PTPRS: variants seen among roughly 807,000 people sequenced by gnomAD.
PTPRS encodes the protein receptor-type tyrosine-protein phosphatase S.
A neutral mutation model predicts 215.3 loss-of-function variants in PTPRS; 63 were observed. That is an observed-to-expected ratio of 0.29 (90% CI 0.24 to 0.36). The LOEUF (loss-of-function observed/expected upper bound fraction) is 0.36, where lower values mean the gene tolerates loss of function less well. Ranked by LOEUF, PTPRS falls within the 10% of genes least tolerant of loss-of-function variation. The pLI is 1.00. For synonymous variants in PTPRS, 1,404 were observed against 1,191.4 expected, an observed-to-expected ratio of 1.18 and a Z score of -3.68; for missense variants, 2,258 against 2,825.8, an observed-to-expected ratio of 0.80 and a Z score of 4.56.
At position 5,219,429 on chromosome 19, in the gene PTPRS, C is replaced by T. The variant is rs1026071586; in HGVS notation, c.3804G>A (p.Leu1268=). 1.2e-6 allele frequency: 2 copies of T among 1,610,284 alleles called. No homozygotes were observed. The highest frequency in any genetic ancestry group is 1.7e-6 in the Non-Finnish European group (2 of 1,178,242). ...AASPFSDPFQ[L]DNPDPQPIVD... ...CGATGGGCTGGGGGTCCGGGTTATC[C>T]AGCTGGAAGGGGTCTGAGAAGGGAC... Residue 1268 remains leucine, a synonymous_variant, in exon 23 of 38, where the codon CTG becomes CTA. Coordinates refer to ENST00000262963, the MANE Select transcript of PTPRS (RefSeq NM_002850.4).
chr19:5,268,628 G>A (rs575967824), intron 4 of PTPRS, among the ~76,000 whole-genome samples: 6 of 152,202 alleles, frequency 3.9e-5, no homozygotes, highest in South Asian at 4.1e-4. Context: ...GTTCCAGCTC[G>A]GGGGTCACTG....
intron 9 of PTPRS, 64 bp downstream of exon 9, chr19:5,256,044 G>T: frequency 7.0e-7 from 1 of 1,424,562 alleles, no homozygotes; most frequent in Non-Finnish European, 9.7e-7. Flanking sequence ...TTGTGTGTGT[G>T]CGTGTCATTT....
chr19:5,288,424 G>C (rs867107629), intron 1 of PTPRS, among the ~76,000 whole-genome samples: 50 of 152,208 alleles, frequency 3.3e-4, no homozygotes, highest in African/African-American at 1.1e-3. Flanking sequence ...TGGGGACTGG[G>C]AAGATGAAGG....
At chr19:5,208,551 G>A (rs737005) in intron 35 of PTPRS, among the ~76,000 whole-genome samples, 160 bp from the exon 36 acceptor site, 2,550 of 151,988 alleles carry the variant, frequency 0.017, 68 homozygotes, top group African/African-American at 0.058. Flanking sequence ...GCGTGATCTC[G>A]GCTCACTGCA....
chr19:5,244,631 AGCAAGGG>A lies in PTPRS; in HGVS notation c.989-156_989-150del. The A allele has an allele frequency of 1.5e-6, 1 of 657,832 alleles. No homozygotes were observed. The highest frequency in any genetic ancestry group is 2.0e-5 in the South Asian group (1 of 51,030). The allele number at this position is 657,832 out of a possible 1,614,324, so 40.7% of individuals were successfully genotyped here. A position where few individuals can be genotyped will look rare whatever the true frequency, so the allele number is the denominator to read the frequency against. ...CCTCATGACTCCTGTCATCGTCTAC[AGCAAGGG>A]GTAACAAACTATGGCCCAGGGTCCA... On this transcript the variant is annotated intron_variant, in intron 10 of 37. Transcript: ENST00000262963. The surrounding 1 kb of genome is among the most constrained non-coding windows in gnomAD (Gnocchi z 7.2).
rs753240756 is a variant in PTPRS, at chr19:5,207,964, C to T, written c.5736G>A (p.Val1912=). The T allele has an allele frequency of 1.2e-6, 2 of 1,614,138 alleles. No homozygotes were observed. The highest frequency in any genetic ancestry group is 1.1e-5 in the South Asian group (1 of 91,090). ...YEGVVDIFQT[V]KMLRTQRPAM... The stretch of plus-strand genomic sequence containing the variant: ...CCGGCCGCTGGGTTCGTAGCATCTT[C>T]ACCGTCTGAAAGATGTCCACCACGC... Residue 1912 remains valine (V), a synonymous_variant, in exon 37 of 38, where the codon GTG becomes GTA. Transcript: ENST00000262963.
chr19:5,286,613 C>G (rs112908333), intron 1 of PTPRS, among the ~76,000 whole-genome samples: 1 of 152,160 alleles, frequency 6.6e-6, no homozygotes. Context: ...ATGCCTTCCA[C>G]GAACCAGAAG....
chr19:5,299,610 G>A (rs770115868), intron 1 of PTPRS, among the ~76,000 whole-genome samples: 3 of 152,142 alleles, frequency 2.0e-5, no homozygotes, highest in African/African-American at 4.8e-5. Flanking sequence ...GGTGGCTCAC[G>A]CCTGTAATCC....
chr19:5,321,610 G>A (rs2050026128), intron 1 of PTPRS, among the ~76,000 whole-genome samples: 1 of 152,238 alleles, frequency 6.6e-6, no homozygotes, highest in Non-Finnish European at 1.5e-5. Flanking sequence ...CAGGCCCAGA[G>A]TGGAGAAGCC....
rs1362353219 is a variant in PTPRS, at chr19:5,207,997, C to T, written c.5703G>A (p.Arg1901=). 6 of 1,613,996 alleles carry T rather than the reference C, an allele frequency of 3.7e-6. No individual in the cohort carries two copies. Among genetic ancestry groups the T allele is most frequent in the South Asian group, 3.3e-5 (3 of 91,090 alleles). ...ITLSIVLERM[R]YEGVVDIFQT... ...GAAAGATGTCCACCACGCCTTCATA[C>T]CGCATCCGCTCCAGCACGATGCTAA... Residue 1901 remains arginine (R), a synonymous_variant, in exon 37 of 38, where the codon CGG becomes CGA. Transcript: ENST00000262963.
intron 1 of PTPRS, among the ~76,000 whole-genome samples, chr19:5,309,699 T>C (rs2049630613): frequency 6.6e-6 from 1 of 152,110 alleles, no homozygotes; most frequent in Admixed American, 6.6e-5. Flanking sequence ...GAGTCGTTCT[T>C]GACTCATCTC....
chr19:5,208,844 T>G (rs1233916731), intron 35 of PTPRS, among the ~76,000 whole-genome samples: 1 of 152,148 alleles, frequency 6.6e-6, no homozygotes, highest in Non-Finnish European at 1.5e-5. Flanking sequence ...CATCCCATAG[T>G]GCAACCAGCT....
At chr19:5,236,550 T>A (rs2043456367) in intron 13 of PTPRS, among the ~76,000 whole-genome samples, 1 of 152,210 alleles carries the variant, frequency 6.6e-6, no homozygotes, top group African/African-American at 2.4e-5. Flanking sequence ...ACCCTCACCA[T>A]CAGAGCAGCT....
chr19:5,298,991 T>C (rs1237951933), intron 1 of PTPRS, among the ~76,000 whole-genome samples: 1 of 152,150 alleles, frequency 6.6e-6, no homozygotes, highest in African/African-American at 2.4e-5. Flanking sequence ...ACTTTGTCCA[T>C]CTTTCTCCAT....
At chr19:5,304,259 T>G (rs1421355135) in intron 1 of PTPRS, among the ~76,000 whole-genome samples, 1 of 151,526 alleles carries the variant, frequency 6.6e-6, no homozygotes, top group Non-Finnish European at 1.5e-5. Context: ...AGGTCAGGAG[T>G]TTGAGACCAG....
At chr19:5,248,517 C>T (rs575589681) in intron 9 of PTPRS, among the ~76,000 whole-genome samples, 18 of 152,244 alleles carry the variant, frequency 1.2e-4, no homozygotes, top group African/African-American at 3.6e-4. Flanking sequence ...CATCCAGCAC[C>T]CAAGAGTCTT....
Position 5,219,411 on chromosome 19 carries a change from C to G in PTPRS, c.3822G>C (p.Gln1274His), listed in dbSNP as rs776652526. 6.2e-7 allele frequency: 1 copy of G among 1,612,902 alleles called. No homozygotes were observed. The highest frequency in any genetic ancestry group is 8.5e-7 in the Non-Finnish European group (1 of 1,179,488). ...GCCCCTCCTCGCCATCCACGATGGG[C>G]TGGGGGTCCGGGTTATCCAGCTGGA... ...DPFQLDNPDP[Q>H]PIVDGEEGLI... Residue 1274 changes from glutamine to histidine, a missense_variant, in exon 23 of 38, where the codon CAG becomes CAC. Gln to His is a conservative substitution (Grantham distance 24). This residue lies in a region of PTPRS where 927 missense variants were observed against 1,125.9 expected (regional missense o/e 0.82). Transcript: ENST00000262963.
chr19:5,214,494 G>T lies in PTPRS; in HGVS notation c.4495-14C>A. On this transcript the variant is annotated splice_polypyrimidine_tract_variant and intron_variant, in intron 29 of 37. Coordinates refer to ENST00000262963, the MANE Select transcript of PTPRS (RefSeq NM_002850.4). ...ATCACACTTGATCTGTATCGGGCAA[G>T]AGAACAGGTGTCAGCAGGGACAGGC... The T allele has an allele frequency of 1.9e-6, 3 of 1,613,996 alleles. No homozygotes were observed. The highest frequency in any genetic ancestry group is 2.5e-6 in the Non-Finnish European group (3 of 1,179,936).
rs762070365 is a variant in PTPRS at position 5,245,840 on chromosome 19, G to A, written c.924C>T (p.Asn308=). ...LELTDVKDSA[N]YTCVAMSSLG... ...GGCTGGACATGGCCACGCAGGTGTA[G>A]TTGGCCGAGTCCTTGACATCTGTGA... is the stretch of plus-strand genomic sequence containing the variant. Residue 308 remains asparagine (N), a synonymous_variant, in exon 10 of 38, where the codon AAC becomes AAT. Coordinates refer to ENST00000262963, the MANE Select transcript of PTPRS (RefSeq NM_002850.4). The A allele has an allele frequency of 1.1e-5, 17 of 1,613,662 alleles. No individual in the cohort carries two copies. The highest frequency in any genetic ancestry group is 1.6e-4 in the Middle Eastern group (1 of 6,082).
Sources: allele counts gnomAD v4.1 joint callset (sites outside exome capture counted in the v4.1 genomes callset), GRCh38; gene constraint gnomAD v4.1.1; regional missense constraint gnomAD v4.1.1; non-coding constraint Gnocchi (gnomAD v3.1); transcripts MANE v1.5; gene names NCBI Gene and HGNC (gene_info 2026-07-23, HGNC 2026-07-21).